SDK1: variants seen among roughly 807,000 people sequenced by gnomAD.
SDK1 encodes the protein protein sidekick-1.
SDK1 carries 157 observed loss-of-function variants against 245.5 expected under a neutral mutation model. The observed-to-expected ratio is 0.64, with a 90% CI of 0.56 to 0.73. SDK1 has a LOEUF of 0.73. SDK1 is among the 30% of genes least tolerant of loss of function. The pLI is 0.00. For synonymous variants in SDK1, 1,647 were observed against 1,278.5 expected (o/e 1.29, Z -6.15); for missense variants, 3,583 against 3,002.3 (o/e 1.19, Z -4.52).
At chr7:3,572,866 G>T (rs1250861443) in intron 1 of SDK1, among the ~76,000 whole-genome samples, 1 of 152,084 alleles carries the variant, frequency 6.6e-6, no homozygotes, top group African/African-American at 2.4e-5. Flanking sequence ...CTGAAGAAGG[G>T]AGGAAGAGAT....
At chr7:4,225,799 T>A (rs555733301) in intron 40 of SDK1, among the ~76,000 whole-genome samples, 1 of 152,142 alleles carries the variant, frequency 6.6e-6, no homozygotes, top group African/African-American at 2.4e-5. Context: ...GGGACCAAGA[T>A]GTGACAACAG....
intron 4 of SDK1, among the ~76,000 whole-genome samples, chr7:3,680,370 G>A (rs1583301017): frequency 6.6e-6 from 1 of 152,262 alleles, no homozygotes; most frequent in East Asian, 1.9e-4. Context: ...GATCTTTGTC[G>A]TGGTAGGACA....
intron 4 of SDK1, among the ~76,000 whole-genome samples, chr7:3,769,829 T>G (rs1029861124): frequency 3.3e-5 from 5 of 151,952 alleles, no homozygotes; most frequent in African/African-American, 1.2e-4. Context: ...CTTCCTCCAG[T>G]CCTGGGGTCC....
intron 34 of SDK1, among the ~76,000 whole-genome samples, chr7:4,177,237 G>A (rs550393945): frequency 9.2e-5 from 14 of 152,288 alleles, no homozygotes; most frequent in African/African-American, 3.1e-4. Flanking sequence ...CTGGCAGGAG[G>A]CACAATTTGC....
chr7:3,382,673 G>A (rs576060303), intron 1 of SDK1, among the ~76,000 whole-genome samples: 4 of 152,210 alleles, frequency 2.6e-5, no homozygotes, highest in Admixed American at 6.5e-5. Context: ...TTTGATTAGC[G>A]ATGTTGCTTT....
chr7:4,223,867 G>T (rs947587632), intron 40 of SDK1, among the ~76,000 whole-genome samples: 2 of 152,196 alleles, frequency 1.3e-5, no homozygotes, highest in African/African-American at 4.8e-5. Context: ...CGCCATTGCA[G>T]ATATTTCACA....
At chr7:4,252,180 T>C (rs1196820983) in intron 44 of SDK1, among the ~76,000 whole-genome samples, 1 of 152,040 alleles carries the variant, frequency 6.6e-6, no homozygotes, top group Admixed American at 6.5e-5. Context: ...TAACATTAGG[T>C]ATATCTCCTA....
At chr7:3,925,699 A>C (rs142486186) in intron 5 of SDK1, among the ~76,000 whole-genome samples, 1 of 152,290 alleles carries the variant, frequency 6.6e-6, no homozygotes, top group East Asian at 1.9e-4. Flanking sequence ...GCTAAAGAGA[A>C]GTTTGTAAAA....
chr7:3,987,345 C>A lies in SDK1; in HGVS notation c.2131+23C>A. 1.9e-6 allele frequency: 3 copies of A among 1,611,252 alleles called. No homozygotes were observed. In the African/African-American group the frequency reaches 4.0e-5, roughly 22 times the overall value. On this transcript the variant is annotated intron_variant, in intron 14 of 44. Transcript: ENST00000404826. ...ACAGTAAGTAGCAAAATGAAACTGTCACCATGGACGATAATCAGATTTTTG... is the reference window on the plus strand; with the variant it reads ...ACAGTAAGTAGCAAAATGAAACTGTAACCATGGACGATAATCAGATTTTTG...
At chr7:3,322,058 T>A (rs113957869) in intron 1 of SDK1, among the ~76,000 whole-genome samples, 1 of 151,748 alleles carries the variant, frequency 6.6e-6, no homozygotes, top group Non-Finnish European at 1.5e-5. Context: ...GTGAACTATT[T>A]TAAAGTGAAC....
intron 1 of SDK1, among the ~76,000 whole-genome samples, chr7:3,487,601 A>G (rs1781739878): frequency 6.6e-6 from 1 of 151,856 alleles, no homozygotes; most frequent in Non-Finnish European, 1.5e-5. Context: ...CAAACACCCA[A>G]AAAATTAGCC....
rs1390319284 is a variant in SDK1 at position 4,265,413 on chromosome 7, A to T, written c.*29A>T. 7.1e-6 allele frequency: 10 copies of T among 1,409,144 alleles called. No homozygotes were observed. In the Admixed American group the frequency reaches 2.3e-4, roughly 32 times the overall value. The allele number at this position is 1,409,144 out of a possible 1,614,324, so 87.3% of individuals were successfully genotyped here. On this transcript the variant is annotated 3_prime_UTR_variant, in exon 45 of 45. Coordinates refer to ENST00000404826, the MANE Select transcript of SDK1 (RefSeq NM_152744.4). Reference sequence around the variant, plus strand: ...AAGCGCCGCGCCTCCCTCAGGGCGGAACGGAGGCAACTTTCCGGAGTCTAT... The same window carrying T: ...AAGCGCCGCGCCTCCCTCAGGGCGGTACGGAGGCAACTTTCCGGAGTCTAT...
At chr7:3,575,702 T>G (rs10277776) in intron 1 of SDK1, among the ~76,000 whole-genome samples, 3 of 151,876 alleles carry the variant, frequency 2.0e-5, no homozygotes, top group Non-Finnish European at 4.4e-5. Flanking sequence ...GATCAACTTA[T>G]AAAGAGCATT....
chr7:3,579,532 T>C (rs890337724), intron 1 of SDK1, among the ~76,000 whole-genome samples: 1 of 152,140 alleles, frequency 6.6e-6, no homozygotes, highest in African/African-American at 2.4e-5. Flanking sequence ...CTCAAAATAA[T>C]AAGAGCCATC....
chr7:3,578,734 A>G (rs1780386711), intron 1 of SDK1, among the ~76,000 whole-genome samples: 1 of 151,838 alleles, frequency 6.6e-6, no homozygotes, highest in South Asian at 2.1e-4. Flanking sequence ...CAGGAAGACA[A>G]ATACGGCTCT....
At chr7:4,130,268 A>C in intron 27 of SDK1, 171 bp downstream of exon 27, 1 of 675,976 alleles carries the variant, frequency 1.5e-6, no homozygotes, top group Admixed American at 3.1e-5. Flanking sequence ...TTATATGGCC[A>C]ATTTCAGCCT....
intron 14 of SDK1, among the ~76,000 whole-genome samples, chr7:4,000,881 A>G (rs1416819976): frequency 1.3e-5 from 2 of 152,134 alleles, no homozygotes; most frequent in Non-Finnish European, 2.9e-5. Flanking sequence ...ATAAATGCAC[A>G]TCTAGGGAGA....
chr7:4,214,046 T>A (rs1024058867), intron 38 of SDK1, among the ~76,000 whole-genome samples: 8 of 152,196 alleles, frequency 5.3e-5, no homozygotes, highest in Non-Finnish European at 2.9e-5. Flanking sequence ...ACCTTGTGGC[T>A]GCAGCTTTTC....
intron 1 of SDK1, among the ~76,000 whole-genome samples, chr7:3,527,075 C>A (rs974649535): frequency 6.6e-6 from 1 of 152,124 alleles, no homozygotes; most frequent in African/African-American, 2.4e-5. Context: ...TGGTCACCAG[C>A]CCTGCTATTT....
Sources: allele counts gnomAD v4.1 joint callset (sites outside exome capture counted in the v4.1 genomes callset), GRCh38; gene constraint gnomAD v4.1.1; transcripts MANE v1.5; gene names NCBI Gene and HGNC (gene_info 2026-07-23, HGNC 2026-07-21).